The following ANTXR1 variants were observed in gnomAD, a reference collection of about 807,000 sequenced individuals.
The protein encoded by ANTXR1 is ANTXR cell adhesion molecule 1.
A neutral mutation model predicts 78.1 loss-of-function variants in ANTXR1; 19 were observed. The ratio of observed to expected loss-of-function variants is 0.24; its 90% confidence interval spans 0.17 to 0.36. The LOEUF is 0.36. Among genes scored for constraint, ANTXR1 ranks in the 10% least tolerant of loss-of-function variants. The pLI is 1.00. For synonymous variants in ANTXR1, 273 were observed against 260.5 expected (o/e 1.05, Z -0.46); for missense variants, 518 against 718.6 (o/e 0.72, Z 3.19).
chr2:69,057,499 T>C (rs1237599789), intron 3 of ANTXR1, among the ~76,000 whole-genome samples: 2 of 152,214 alleles, frequency 1.3e-5, no homozygotes, highest in East Asian at 1.9e-4. Flanking sequence ...TCATCTTTGA[T>C]GTTACTATCT....
In ANTXR1 at chr2:69,013,363, T is replaced by C; in HGVS notation, c.-137T>C. The stretch of plus-strand genomic sequence containing the variant: ...ACCTTGAACTCCTCCAGACAATTGC[T>C]TCCGGGGAGTTGCGAGGGAGCGAGG... On this transcript the variant is annotated 5_prime_UTR_variant, in exon 1 of 18. Coordinates refer to ENST00000303714, the MANE Select transcript of ANTXR1 (RefSeq NM_032208.3). This position sits in a 1 kb window ranked among gnomAD's most constrained non-coding sequence, Gnocchi z 5.0. 8.2e-7 allele frequency: 1 copy of C among 1,215,072 alleles called. No individual in the cohort carries two copies. The highest frequency in any genetic ancestry group is 1.2e-6 in the Non-Finnish European group (1 of 854,772). The allele number at this position is 1,215,072 out of a possible 1,614,324, so 75.3% of individuals were successfully genotyped here.
intron 17 of ANTXR1, among the ~76,000 whole-genome samples, chr2:69,225,612 T>C (rs1001576692): frequency 2.0e-5 from 3 of 152,146 alleles, no homozygotes; most frequent in African/African-American, 7.2e-5. Flanking sequence ...CTCAGCTCGC[T>C]ACCAGAGGCA....
At chr2:69,226,777 T>C (rs767334625) in intron 17 of ANTXR1, among the ~76,000 whole-genome samples, 1 of 152,230 alleles carries the variant, frequency 6.6e-6, no homozygotes, top group African/African-American at 2.4e-5. Flanking sequence ...TCTTTATTTA[T>C]AATCCAGGTG....
chr2:69,221,555 A>C (rs1369779036), intron 17 of ANTXR1, among the ~76,000 whole-genome samples: 1 of 152,140 alleles, frequency 6.6e-6, no homozygotes, highest in Non-Finnish European at 1.5e-5. Flanking sequence ...AACAAAGCAG[A>C]AGGTGGCTGG....
At chr2:69,093,744 A>C (rs960464421) in intron 9 of ANTXR1, among the ~76,000 whole-genome samples, 3 of 152,248 alleles carry the variant, frequency 2.0e-5, no homozygotes, top group Admixed American at 1.3e-4. Flanking sequence ...TGGTAAATCC[A>C]ATCTAAGGAA....
intron 1 of ANTXR1, among the ~76,000 whole-genome samples, chr2:69,028,052 G>A (rs1671403572): frequency 6.6e-6 from 1 of 152,054 alleles, no homozygotes. Flanking sequence ...ATAATTTCAG[G>A]AGGAAAACAC....
intron 3 of ANTXR1, among the ~76,000 whole-genome samples, chr2:69,064,699 G>A (rs117893804): frequency 1.3e-5 from 2 of 152,230 alleles, no homozygotes; most frequent in East Asian, 3.9e-4. Flanking sequence ...AAGTTAGAAT[G>A]GATATTAGAC....
Position 69,124,616 on chromosome 2 carries a change from T to C in ANTXR1, c.924T>C (p.Ser308=). The C allele has an allele frequency of 6.2e-7, 1 of 1,614,242 alleles. No individual in the cohort carries two copies. The highest frequency in any genetic ancestry group is 8.5e-7 in the Non-Finnish European group (1 of 1,180,038). The change falls in exon 12 of 18, where the codon AGT becomes AGC. Residue 308 remains serine, a synonymous_variant. Transcript: ENST00000303714. ...ACGATGGCCTCTCTTTTATCTCCAG[T>C]TCTGTCATCATCACCACCACACACT... ...SMNDGLSFIS[S]SVIITTTHCS...
At chr2:69,050,606 G>C (rs539016793) in intron 3 of ANTXR1, among the ~76,000 whole-genome samples, 2 of 152,230 alleles carry the variant, frequency 1.3e-5, no homozygotes, top group South Asian at 4.1e-4. Context: ...ATATAACTCA[G>C]AGGAAAACTA....
chr2:69,161,237 A>G (rs577999252), intron 13 of ANTXR1, among the ~76,000 whole-genome samples: 41 of 152,308 alleles, frequency 2.7e-4, no homozygotes, highest in African/African-American at 9.4e-4. Context: ...ATTCTCTCAC[A>G]TTACCATGTG....
chr2:69,128,227 G>GGAA (rs1553367503), intron 12 of ANTXR1, among the ~76,000 whole-genome samples: 36 of 139,204 alleles, frequency 2.6e-4, no homozygotes, highest in Middle Eastern at 3.6e-3. Context: ...TCCATCTCTG[G>GGAA]AAAAAAAAAA....
intron 3 of ANTXR1, among the ~76,000 whole-genome samples, chr2:69,053,765 C>G (rs1046407011): frequency 7.2e-5 from 11 of 152,156 alleles, no homozygotes; most frequent in Admixed American, 6.6e-4. Flanking sequence ...CCACTGACCT[C>G]ATTTTACTGC....
At chr2:69,029,625 C>T (rs981447613) in intron 1 of ANTXR1, among the ~76,000 whole-genome samples, 2 of 151,714 alleles carry the variant, frequency 1.3e-5, no homozygotes, top group African/African-American at 4.8e-5. Context: ...TTTTTTTACT[C>T]TACACATTAA....
intron 17 of ANTXR1, among the ~76,000 whole-genome samples, chr2:69,200,931 T>C (rs533119502): frequency 2.0e-5 from 3 of 152,236 alleles, no homozygotes; most frequent in African/African-American, 7.2e-5. Flanking sequence ...ACACAGCTGG[T>C]AAGGAGGTCT....
chr2:69,018,250 C>A (rs1671083582), intron 1 of ANTXR1, among the ~76,000 whole-genome samples: 1 of 152,180 alleles, frequency 6.6e-6, no homozygotes, highest in Admixed American at 6.5e-5. Flanking sequence ...CCTCCGACTC[C>A]CCCTGCCATT....
At chr2:69,241,340 T>C (rs1232689269) in intron 17 of ANTXR1, among the ~76,000 whole-genome samples, 2 of 152,238 alleles carry the variant, frequency 1.3e-5, no homozygotes, top group African/African-American at 2.4e-5. Flanking sequence ...GCCAATTATA[T>C]GGTCTAAATG....
At chr2:69,244,295 G>T (rs142887497) in intron 17 of ANTXR1, among the ~76,000 whole-genome samples, 3 of 152,360 alleles carry the variant, frequency 2.0e-5, no homozygotes, top group Non-Finnish European at 4.4e-5. Context: ...GAGAAAAGCA[G>T]AATTCAGGGC....
At chr2:69,201,375 A>G (rs1390970679) in intron 17 of ANTXR1, among the ~76,000 whole-genome samples, 1 of 152,152 alleles carries the variant, frequency 6.6e-6, no homozygotes, top group Non-Finnish European at 1.5e-5. Flanking sequence ...CAGGGTACAG[A>G]GGAGGACAGA....
At chr2:69,234,485 G>C (rs926089385) in intron 17 of ANTXR1, among the ~76,000 whole-genome samples, 1 of 152,160 alleles carries the variant, frequency 6.6e-6, no homozygotes, top group African/African-American at 2.4e-5. Context: ...ACCATTCAAA[G>C]TTATTTATAG....
Sources: gnomAD v4.1 joint callset for allele counts (sites outside exome capture counted in the v4.1 genomes callset) on GRCh38, gnomAD v4.1.1 for gene constraint, Gnocchi (gnomAD v3.1) non-coding constraint, MANE v1.5 for transcripts, NCBI Gene and HGNC (gene_info 2026-07-23, HGNC 2026-07-21) for gene names.